The following RGPD3 variants were observed in gnomAD, a reference collection of about 807,000 sequenced individuals.
The protein encoded by RGPD3 is ranBP2-like and GRIP domain-containing protein 3.
Under a neutral mutation model 154.5 loss-of-function variants are expected in RGPD3, and 62 were observed. The ratio of observed to expected loss-of-function variants is 0.40; its 90% CI spans 0.33 to 0.50. RGPD3 has a LOEUF of 0.50. Ranked by LOEUF, RGPD3 falls within the 20% of genes least tolerant of loss-of-function variation. The pLI, the probability that RGPD3 is intolerant of heterozygous loss-of-function variation, is 0.59. For missense variants in RGPD3, 919 were observed against 1,716.8 expected, an observed-to-expected ratio of 0.54 and a Z score of 8.21; for synonymous variants, 308 against 607.0, an observed-to-expected ratio of 0.51 and a Z score of 7.24.
rs1431527297 is a variant in RGPD3, at chr2:106,466,872, CG to C, written c.72+1344del. ...TCGGGAGCCATGACGCCTGAGCCAT[CG>C]AGGCCGCCGCCGGGCCGGGTCGAGG... On this transcript the variant is annotated intron_variant, in intron 1 of 22. Coordinates refer to ENST00000409886, the MANE Select transcript of RGPD3 (RefSeq NM_001144013.2). Among the ~76,000 whole-genome samples the C allele has an allele frequency of 7.4e-3, 617 of 83,348 alleles. 3 individuals carry two copies. Among genetic ancestry groups the C allele is most frequent in the Middle Eastern group, 0.022 (2 of 92 alleles). 54.7% of individuals were successfully genotyped at this position (83,348 alleles called of 152,430 possible). A position where few individuals can be genotyped will look rare whatever the true frequency, so the allele number is the denominator to read the frequency against.
intron 21 of RGPD3, among the ~76,000 whole-genome samples, chr2:106,414,609 G>A (rs1199331280): frequency 1.6e-4 from 24 of 145,624 alleles, no homozygotes; most frequent in Admixed American, 5.5e-4. Flanking sequence ...GTGACAGAGC[G>A]AGACTATCTC....
At chr2:106,466,361 GC>G (rs1349512001) in intron 1 of RGPD3, among the ~76,000 whole-genome samples, 2 of 149,676 alleles carry the variant, frequency 1.3e-5, no homozygotes, top group South Asian at 4.2e-4. Flanking sequence ...CATCGAGGCC[GC>G]CGCCGGGCCG....
intron 7 of RGPD3, among the ~76,000 whole-genome samples, chr2:106,441,935 C>A (rs570598595): frequency 1.5e-3 from 195 of 129,840 alleles, no homozygotes; most frequent in African/African-American, 5.4e-3. Flanking sequence ...AATCCCAGCA[C>A]TTTGGGAGGC....
chr2:106,434,445 G>T, intron 14 of RGPD3, 71 bp from the exon 15 acceptor site: 2 of 1,346,964 alleles, frequency 1.5e-6, no homozygotes, highest in Non-Finnish European at 1.0e-6. Context: ...GCCACGCATG[G>T]TGGCTCATGC....
rs1486408946 is a variant in RGPD3, at chr2:106,426,768, C to G, written c.2606-680G>C. On this transcript the variant is annotated intron_variant, in intron 18 of 22. Transcript: ENST00000409886. ...TTGAACTGTTTTATGATAGTTTTAC[C>G]AGAAAACAACCAAAAGATCTTTCAT... is the stretch of plus-strand genomic sequence containing the variant. Among the ~76,000 whole-genome samples, 3 of 152,232 alleles carry G rather than the reference C, an allele frequency of 2.0e-5. No homozygotes were observed. In the East Asian group the frequency reaches 5.8e-4, roughly 29 times the overall value.
At chr2:106,410,074 C>T (rs1036867489) in intron 22 of RGPD3, among the ~76,000 whole-genome samples, 1 of 151,700 alleles carries the variant, frequency 6.6e-6, no homozygotes, top group African/African-American at 2.4e-5. Flanking sequence ...GGGGGTTTCA[C>T]CATGTTGGCC....
intron 17 of RGPD3, among the ~76,000 whole-genome samples, chr2:106,430,009 A>G (rs1182213442): frequency 6.6e-6 from 1 of 152,068 alleles, no homozygotes; most frequent in Non-Finnish European, 1.5e-5. Context: ...TCAGCCTCCC[A>G]ACTAGCTGGG....
intron 1 of RGPD3, among the ~76,000 whole-genome samples, chr2:106,464,962 A>G (rs1483724302): frequency 2.7e-5 from 4 of 149,676 alleles, no homozygotes; most frequent in Non-Finnish European, 4.4e-5. Flanking sequence ...CAGAGTGCTC[A>G]GATTACAGAC....
In RGPD3 at chr2:106,468,279, T is replaced by C. The variant is rs745504969; in HGVS notation, c.10A>G (p.Ser4Gly). ...ACGTACCGCTCCCCGTAGGCCTTGC[T>C]GCAACTCATCGCGCCACCAACCTGG... Reference protein sequence around the residue: MSCSKAYGERYVAS... With the variant: MSCGKAYGERYVAS... The change falls in exon 1 of 23, where the codon AGC (serine) becomes GGC (glycine). Residue 4 changes from serine to glycine, a missense_variant. By Grantham distance (56) the Ser-to-Gly change is moderately conservative (BLOSUM62 0). Transcript: ENST00000409886. 2 of 1,606,926 alleles carry C rather than the reference T, an allele frequency of 1.2e-6. No homozygotes were observed. The highest frequency in any genetic ancestry group is 1.3e-5 in the African/African-American group (1 of 74,760).
At chr2:106,418,532 T>C (rs1270658949) in intron 20 of RGPD3, among the ~76,000 whole-genome samples, 1 of 152,104 alleles carries the variant, frequency 6.6e-6, no homozygotes, top group Non-Finnish European at 1.5e-5. Flanking sequence ...TCAATTACAT[T>C]GCCTAGCAAG....
At position 106,441,372 on chromosome 2, in the gene RGPD3, T is replaced by A. The variant is rs1677737721; in HGVS notation, c.987A>T (p.Arg329Ser). The A allele has an allele frequency of 6.6e-7, 1 of 1,507,632 alleles. No individual in the cohort carries two copies. Among genetic ancestry groups the A allele is most frequent in the East Asian group, 2.5e-5 (1 of 40,564 alleles). 93.4% of individuals were successfully genotyped at this position (1,507,632 alleles called of 1,614,324 possible). Residue 329 changes from arginine to serine, a missense_variant, in exon 8 of 23, where the codon AGA (arginine) becomes AGT (serine). Physicochemically the swap from Arg to Ser is moderately radical, Grantham distance 110. Coordinates refer to ENST00000409886, the MANE Select transcript of RGPD3 (RefSeq NM_001144013.2). The part of the protein sequence containing the change: ...LCYLIAFQVP[R>S]PKIKLIKGEA... The stretch of plus-strand genomic sequence containing the variant: ...CACCTTTTATTAATTTAATCTTTGG[T>A]CTTGGAACCTAATAATTTTAGAATC...
chr2:106,427,318 T>C (rs1437373525), intron 18 of RGPD3, among the ~76,000 whole-genome samples: 1 of 151,680 alleles, frequency 6.6e-6, no homozygotes, highest in Non-Finnish European at 1.5e-5. Flanking sequence ...GTCAAAAAAA[T>C]TACCTGACAA....
At chr2:106,461,914 C>T (rs946648637) in intron 1 of RGPD3, among the ~76,000 whole-genome samples, 1 of 151,972 alleles carries the variant, frequency 6.6e-6, no homozygotes, top group African/African-American at 2.4e-5. Context: ...GCTTGTTCCC[C>T]CCTTCCTTTT....
At chr2:106,409,330 C>T (rs1207215391) in intron 22 of RGPD3, among the ~76,000 whole-genome samples, 1 of 151,940 alleles carries the variant, frequency 6.6e-6, no homozygotes, top group African/African-American at 2.4e-5. Flanking sequence ...GGTAAGTTTC[C>T]TTTGCATGTC....
intron 22 of RGPD3, among the ~76,000 whole-genome samples, chr2:106,410,569 GATA>G (rs1387939443): frequency 1.3e-5 from 2 of 152,144 alleles, no homozygotes; most frequent in East Asian, 1.9e-4. Context: ...AGTATTTTGA[GATA>G]ATATCATTGT....
intron 6 of RGPD3, among the ~76,000 whole-genome samples, chr2:106,449,325 G>T (rs980287206): frequency 2.0e-5 from 3 of 147,630 alleles, no homozygotes; most frequent in Admixed American, 1.3e-4. Flanking sequence ...AATTAGCCAG[G>T]CGTGGTGGTG....
rs753953102 is a variant in RGPD3, at chr2:106,436,204, T to A, written c.1677A>T (p.Glu559Asp). The A allele has an allele frequency of 6.2e-7, 1 of 1,611,942 alleles. No individual in the cohort carries two copies. The highest frequency in any genetic ancestry group is 2.2e-5 in the East Asian group (1 of 44,862). The change falls in exon 12 of 23, where the codon GAA (glutamate) becomes GAT (aspartate). Residue 559 changes from glutamate to aspartate, a missense_variant. Transcript: ENST00000409886. ...SAKLRLLVQH[E>D]INTLRAQEKH... ...TTTCCTGGGCTCTTAGAGTGTTTAT[T>A]TCATGCTGAACTAGAAGTCTCAATT...
At chr2:106,448,980 C>T (rs1249821577) in intron 6 of RGPD3, among the ~76,000 whole-genome samples, 4 of 151,170 alleles carry the variant, frequency 2.6e-5, no homozygotes, top group African/African-American at 9.8e-5. Context: ...GCTGAGCCAC[C>T]GCGCCCCGCT....
At chr2:106,467,105 C>T (rs1678637904) in intron 1 of RGPD3, among the ~76,000 whole-genome samples, 3 of 102,536 alleles carry the variant, frequency 2.9e-5, no homozygotes, top group African/African-American at 9.6e-5. Flanking sequence ...AGGGCCAGGT[C>T]GAGGCCGGCG....
Sources: gnomAD v4.1 joint callset for allele counts (sites outside exome capture counted in the v4.1 genomes callset) on GRCh38, gnomAD v4.1.1 for gene constraint, MANE v1.5 for transcripts, NCBI Gene and HGNC (gene_info 2026-07-23, HGNC 2026-07-21) for gene names.